The following IL21 variants were observed in gnomAD, a reference collection of about 807,000 sequenced individuals.
The protein encoded by IL21 is interleukin 21.
IL21 carries 3 observed loss-of-function variants against 18.4 expected under a neutral mutation model. That is an observed-to-expected ratio of 0.16 (90% CI 0.07 to 0.42). The LOEUF (loss-of-function observed/expected upper bound fraction) is 0.42, where lower values mean the gene tolerates loss of function less well. Ranked by LOEUF, IL21 falls within the 10% of genes least tolerant of loss-of-function variation. The probability of loss-of-function intolerance (pLI) is 0.99; values close to 1 mark genes in which losing one functional copy is unlikely to be tolerated. For synonymous variants in IL21, 37 were observed against 62.0 expected (o/e 0.60, Z 1.90); for missense variants, 130 against 188.4 (o/e 0.69, Z 1.81).
At chr4:122,616,571 C>A (rs551397516) in intron 2 of IL21, among the ~76,000 whole-genome samples, 2 of 152,232 alleles carry the variant, frequency 1.3e-5, no homozygotes, top group East Asian at 3.9e-4. Flanking sequence ...TGAGGCTTGT[C>A]CAACCAATGA....
chr4:122,613,823 T>C (rs908911118), intron 3 of IL21, among the ~76,000 whole-genome samples: 1 of 152,240 alleles, frequency 6.6e-6, no homozygotes, highest in Non-Finnish European at 1.5e-5. Flanking sequence ...CTCTTTTCAC[T>C]TGGAGCATTC....
chr4:122,617,822 G>C (rs1799360527), intron 2 of IL21, among the ~76,000 whole-genome samples: 1 of 152,170 alleles, frequency 6.6e-6, no homozygotes, highest in African/African-American at 2.4e-5. Context: ...TGCGGGAATT[G>C]GCTTTATATG....
chr4:122,615,527 TAAAAA>T lies in IL21; in HGVS notation c.360+150_360+154del, dbSNP rs10530157. Among the ~76,000 whole-genome samples the T allele has an allele frequency of 0.36, 51,384 of 143,236 alleles. 9,489 individuals carry two copies. The highest frequency in any genetic ancestry group is 0.53 in the Middle Eastern group (148 of 280). The allele number at this position is 143,236 out of a possible 152,430, so 94.0% of individuals were successfully genotyped here. A position where few individuals can be genotyped will look rare whatever the true frequency, so the allele number is the denominator to read the frequency against. On this transcript the variant is annotated intron_variant, in intron 3 of 4. Coordinates refer to ENST00000648588, the MANE Select transcript of IL21 (RefSeq NM_021803.4). ...TGGGTGACAGAGTGAGACTCTGTCT[TAAAAA>T]AAAAAAAAAAAGCACCATGTATAAT...
rs1400293067 is a variant in IL21, at chr4:122,620,906, T to C, written c.106A>G (p.Met36Val). The stretch of plus-strand genomic sequence containing the variant: ...TCTATAAGTTGACGCATTCTAATCA[T>C]GTGGCGATCTTGACCTTGGGAGCTT... ...KSSSQGQDRH[M>V]IRMRQLIDIV... Residue 36 changes from methionine to valine, a missense_variant, in exon 1 of 5, where the codon ATG (methionine) becomes GTG (valine). By Grantham distance (21) the Met-to-Val change is conservative. Coordinates refer to ENST00000648588, the MANE Select transcript of IL21 (RefSeq NM_021803.4). 2 of 1,614,006 alleles carry C rather than the reference T, an allele frequency of 1.2e-6. No homozygotes were observed. Among genetic ancestry groups the C allele is most frequent in the Non-Finnish European group, 1.7e-6 (2 of 1,179,968 alleles).
rs1213159886 is a variant in IL21 at position 122,610,473 on chromosome 4, A to T, written c.*2237T>A. ...TGTTGCTACAAATGTTATTGAAATA[A>T]TACTGAGCAACTGAACATCAGACTC... is the stretch of plus-strand genomic sequence containing the variant. On this transcript the variant is annotated 3_prime_UTR_variant, in exon 5 of 5. Transcript: ENST00000648588. Among the ~76,000 whole-genome samples, 1 of 152,128 alleles carries T rather than the reference A, an allele frequency of 6.6e-6. No individual in the cohort carries two copies. Among genetic ancestry groups the T allele is most frequent in the East Asian group, 1.9e-4 (1 of 5,194 alleles).
At chr4:122,617,587 AAGC>A (rs1354318261) in intron 2 of IL21, among the ~76,000 whole-genome samples, 8 of 152,226 alleles carry the variant, frequency 5.3e-5, no homozygotes, top group African/African-American at 1.9e-4. Flanking sequence ...CCGGTACTCA[AAGC>A]ACTGAAATTG....
At chr4:122,613,039 C>A in intron 3 of IL21, 111 bp from the exon 4 acceptor site, 1 of 650,534 alleles carries the variant, frequency 1.5e-6, no homozygotes, top group Non-Finnish European at 2.6e-6. Flanking sequence ...GAAAAACATT[C>A]GAGAAGTACA....
chr4:122,613,468 T>A (rs1396413289), intron 3 of IL21, among the ~76,000 whole-genome samples: 1 of 151,574 alleles, frequency 6.6e-6, no homozygotes, highest in Non-Finnish European at 1.5e-5. Flanking sequence ...TATCCTGCCT[T>A]AGCCTCCCAA....
chr4:122,619,325 A>G (rs911956601), intron 2 of IL21: 2 of 152,208 alleles, frequency 1.3e-5, no homozygotes, highest in African/African-American at 4.8e-5. Context: ...TAAAGATCCA[A>G]GTTACACTAT....
Position 122,612,633 on chromosome 4 carries a change from C to T in IL21, c.*77G>A. 9.4e-7 allele frequency: 1 copy of T among 1,067,182 alleles called. No homozygotes were observed. Among genetic ancestry groups the T allele is most frequent in the East Asian group, 2.4e-5 (1 of 42,000 alleles). The allele number at this position is 1,067,182 out of a possible 1,614,324, so 66.1% of individuals were successfully genotyped here. On this transcript the variant is annotated 3_prime_UTR_variant, in exon 5 of 5. Coordinates refer to ENST00000648588, the MANE Select transcript of IL21 (RefSeq NM_021803.4). ...CCCATCGCTAATATATTGTACTCCT[C>T]CACTTGGAATACAAAGAAATGACTT...
At chr4:122,615,307 G>A (rs908588662) in intron 3 of IL21, among the ~76,000 whole-genome samples, 3 of 152,186 alleles carry the variant, frequency 2.0e-5, no homozygotes, top group Admixed American at 1.3e-4. Context: ...GGATCACGGG[G>A]TCAGGAGATC....
rs772746379 is a variant in IL21 at position 122,612,325 on chromosome 4, T to C, written c.*385A>G. Among the ~76,000 whole-genome samples, 7 of 152,102 alleles carry C rather than the reference T, an allele frequency of 4.6e-5. No individual in the cohort carries two copies. Among genetic ancestry groups the C allele is most frequent in the Non-Finnish European group, 8.8e-5 (6 of 67,984 alleles). The stretch of plus-strand genomic sequence containing the variant: ...TATATTTTGCTTCTATGCTTCTATA[T>C]TATCAGCTGGAATGAAGGTATATAT... On this transcript the variant is annotated 3_prime_UTR_variant, in exon 5 of 5. Coordinates refer to ENST00000648588, the MANE Select transcript of IL21 (RefSeq NM_021803.4).
In IL21 at chr4:122,615,796, G is replaced by A; in HGVS notation, c.246C>T (p.Ala82=). 6.2e-7 allele frequency: 1 copy of A among 1,613,238 alleles called. No homozygotes were observed. The highest frequency in any genetic ancestry group is 8.5e-7 in the Non-Finnish European group (1 of 1,179,562). ...EWSAFSCFQK[A]QLKSANTGNN... ...TTCCTGTATTTGCTGACTTTAGTTGGGCCTTCTGAAAGCAGGAAAAAGCTG... is the reference window on the plus strand; with the variant it reads ...TTCCTGTATTTGCTGACTTTAGTTGAGCCTTCTGAAAGCAGGAAAAAGCTG... The change falls in exon 3 of 5, where the codon GCC becomes GCT. Residue 82 remains alanine, a synonymous_variant. Coordinates refer to ENST00000648588, the MANE Select transcript of IL21 (RefSeq NM_021803.4).
rs899326259 is a variant in IL21, at chr4:122,611,803, A to G, written c.*907T>C. Among the ~76,000 whole-genome samples the G allele has an allele frequency of 1.3e-5, 2 of 152,174 alleles. No homozygotes were observed. The highest frequency in any genetic ancestry group is 4.8e-5 in the African/African-American group (2 of 41,456). On this transcript the variant is annotated 3_prime_UTR_variant, in exon 5 of 5. Coordinates refer to ENST00000648588, the MANE Select transcript of IL21 (RefSeq NM_021803.4). ...AAAGCAGAAGTTTCATTTTAAAAAG[A>G]AGGAAGAAAAGAAACGAAAGAAGAA...
rs1176507850 is a variant in IL21, at chr4:122,610,954, T to A, written c.*1756A>T. On this transcript the variant is annotated 3_prime_UTR_variant, in exon 5 of 5. Coordinates refer to ENST00000648588, the MANE Select transcript of IL21 (RefSeq NM_021803.4). ...TCTTAGCCAAACCCTCACTGAGTTATTTTTACTTTTAAGATAGAGACCCTG... is the reference window on the plus strand; with the variant it reads ...TCTTAGCCAAACCCTCACTGAGTTAATTTTACTTTTAAGATAGAGACCCTG... Among the ~76,000 whole-genome samples, 1 of 152,192 alleles carries A rather than the reference T, an allele frequency of 6.6e-6. No homozygotes were observed. The highest frequency in any genetic ancestry group is 2.4e-5 in the African/African-American group (1 of 41,454).
chr4:122,611,819 G>A lies in IL21; in HGVS notation c.*891C>T, dbSNP rs970157430. Among the ~76,000 whole-genome samples the A allele has an allele frequency of 1.4e-4, 22 of 152,098 alleles. No individual in the cohort carries two copies. The highest frequency in any genetic ancestry group is 1.3e-3 in the Admixed American group (20 of 15,250). On this transcript the variant is annotated 3_prime_UTR_variant, in exon 5 of 5. Coordinates refer to ENST00000648588, the MANE Select transcript of IL21 (RefSeq NM_021803.4). ...TTTAAAAAGAAGGAAGAAAAGAAAC[G>A]AAAGAAGAAAGAAGGAGACAAATAT...
At position 122,612,952 on chromosome 4, in the gene IL21, A is replaced by C. The variant is rs199540436; in HGVS notation, c.361-24T>G. 660 of 1,434,828 alleles carry C rather than the reference A, an allele frequency of 4.6e-4. 4 individuals carry two copies. Among genetic ancestry groups the C allele is most frequent in the Non-Finnish European group, 3.3e-4 (346 of 1,051,268 alleles). 88.9% of individuals were successfully genotyped at this position (1,434,828 alleles called of 1,614,324 possible). ...GTCTAGAAATCAATGAAAAAGTAAC[A>C]GTCTTCTTTAAAATTTTTTTCGTAA... On this transcript the variant is annotated intron_variant, in intron 3 of 4. Transcript: ENST00000648588.
chr4:122,620,323 G>A (rs1325660131), intron 2 of IL21, among the ~76,000 whole-genome samples: 2 of 152,098 alleles, frequency 1.3e-5, no homozygotes, highest in Non-Finnish European at 2.9e-5. Flanking sequence ...TTCTTCGGTA[G>A]GATAACAAAG....
rs1166792856 is a variant in IL21, at chr4:122,610,874, A to G, written c.*1836T>C. Among the ~76,000 whole-genome samples the G allele has an allele frequency of 6.6e-6, 1 of 152,098 alleles. No homozygotes were observed. Among genetic ancestry groups the G allele is most frequent in the Non-Finnish European group, 1.5e-5 (1 of 68,006 alleles). ...CTTTCCTGGAGTGCTGGTGGGTTTA[A>G]CTCTGGTTAAACAGCAGAGTTTATC... is the stretch of plus-strand genomic sequence containing the variant. On this transcript the variant is annotated 3_prime_UTR_variant, in exon 5 of 5. Coordinates refer to ENST00000648588, the MANE Select transcript of IL21 (RefSeq NM_021803.4).
Sources: gnomAD v4.1 joint callset for allele counts (sites outside exome capture counted in the v4.1 genomes callset) on GRCh38, gnomAD v4.1.1 for gene constraint, MANE v1.5 for transcripts, NCBI Gene and HGNC (gene_info 2026-07-23, HGNC 2026-07-21) for gene names.